Variants in KCNG2 observed in about 807,000 individuals in gnomAD.
The protein encoded by KCNG2 is potassium voltage-gated channel modifier subfamily G member 2.
KCNG2 carries 7 observed loss-of-function variants against 12.3 expected under a neutral mutation model. The observed-to-expected ratio is 0.57, with a 90% CI of 0.32 to 1.07. The LOEUF is 1.07. KCNG2 is among the 50% of genes least tolerant of loss of function. KCNG2 has a pLI of 0.04. For missense variants in KCNG2, 703 were observed against 726.0 expected, an observed-to-expected ratio of 0.97 and a Z score of 0.36; for synonymous variants, 414 against 351.4, an observed-to-expected ratio of 1.18 and a Z score of -1.99.
chr18:79,836,581 T>C (rs1978327014), intron 1 of KCNG2, among the ~76,000 whole-genome samples: 1 of 152,202 alleles, frequency 6.6e-6, no homozygotes, highest in Non-Finnish European at 1.5e-5. Context: ...CTGGGTAATT[T>C]ATGAAGAAAA....
intron 1 of KCNG2, among the ~76,000 whole-genome samples, chr18:79,854,977 G>A (rs565318824): frequency 2.9e-4 from 44 of 152,304 alleles, no homozygotes; most frequent in African/African-American, 1.1e-3. Flanking sequence ...TCTACCGACT[G>A]TACTTTTTCA....
At chr18:79,858,969 G>C (rs1979118646) in intron 2 of KCNG2, among the ~76,000 whole-genome samples, 1 of 152,126 alleles carries the variant, frequency 6.6e-6, no homozygotes, top group African/African-American at 2.4e-5. Flanking sequence ...CTGGATACTG[G>C]ACTCTTATCA....
chr18:79,867,401 C>T (rs1297966660), intron 3 of KCNG2, among the ~76,000 whole-genome samples: 1 of 147,000 alleles, frequency 6.8e-6, no homozygotes, highest in African/African-American at 2.5e-5. Context: ...AAGAAGTGAG[C>T]TCAGCATGTG....
chr18:79,847,285 G>T (rs1450062201), intron 1 of KCNG2, among the ~76,000 whole-genome samples: 3 of 152,168 alleles, frequency 2.0e-5, no homozygotes, highest in Non-Finnish European at 4.4e-5. Flanking sequence ...GTTTGGGGTC[G>T]GATAGCTTTG....
chr18:79,899,621 C>T lies in KCNG2; in HGVS notation c.1206C>T (p.Thr402=). 6.2e-7 allele frequency: 1 copy of T among 1,602,310 alleles called. No individual in the cohort carries two copies. The highest frequency in any genetic ancestry group is 8.5e-7 in the Non-Finnish European group (1 of 1,173,886). ...SGILLMAFPV[T]SIFHTFSRSY... ...TCCTGCTCATGGCCTTCCCGGTCAC[C>T]TCCATCTTCCACACCTTTTCGCGCT... The change falls in exon 4 of 4, where the codon ACC becomes ACT. Residue 402 remains threonine (T), a synonymous_variant. Transcript: ENST00000316249.
intron 2 of KCNG2, among the ~76,000 whole-genome samples, chr18:79,857,519 G>A (rs182398700): frequency 1.7e-3 from 252 of 151,202 alleles, no homozygotes; most frequent in African/African-American, 5.6e-3. Context: ...ACACGCTTGG[G>A]TCGAGTGGGC....
At chr18:79,872,105 A>G (rs1041273242) in intron 3 of KCNG2, among the ~76,000 whole-genome samples, 1 of 152,058 alleles carries the variant, frequency 6.6e-6, no homozygotes, top group Non-Finnish European at 1.5e-5. Context: ...TGCAAACGGC[A>G]GGGCCTGGAA....
At chr18:79,835,252 G>C (rs1978317577) in intron 1 of KCNG2, among the ~76,000 whole-genome samples, 1 of 152,208 alleles carries the variant, frequency 6.6e-6, no homozygotes, top group Non-Finnish European at 1.5e-5. Context: ...CATCTGAGAG[G>C]CTCAAAATGT....
intron 1 of KCNG2, among the ~76,000 whole-genome samples, chr18:79,798,219 G>T (rs1436280847): frequency 6.7e-6 from 1 of 149,680 alleles, no homozygotes; most frequent in Non-Finnish European, 1.5e-5. Flanking sequence ...GGCGGGGGCG[G>T]CTCGGGGCCG....
At chr18:79,864,869 G>A (rs1408301621) in intron 3 of KCNG2, among the ~76,000 whole-genome samples, 1 of 151,568 alleles carries the variant, frequency 6.6e-6, no homozygotes, top group East Asian at 1.9e-4. Context: ...TGAGGTTTGG[G>A]TGCTGAGGTC....
rs556167210 is a variant in KCNG2 at position 79,890,851 on chromosome 18, G to A, written c.625-8189G>A. ...CCTGTTACCTACTGTGACGGCGCAC[G>A]ATTATTCACAGTGCTGCTTTATCAC... On this transcript the variant is annotated intron_variant, in intron 3 of 3. Transcript: ENST00000316249. Among the ~76,000 whole-genome samples the A allele has an allele frequency of 9.8e-4, 150 of 152,310 alleles. No individual in the cohort carries two copies. The Middle Eastern group carries it at 0.014, about 14-fold the overall frequency.
chr18:79,845,158 G>T (rs1978580662), intron 1 of KCNG2, among the ~76,000 whole-genome samples: 1 of 152,198 alleles, frequency 6.6e-6, no homozygotes, highest in South Asian at 2.1e-4. Flanking sequence ...AATGGAAAAA[G>T]CCAATCCTAA....
intron 3 of KCNG2, among the ~76,000 whole-genome samples, chr18:79,872,563 G>A (rs1979891576): frequency 6.6e-6 from 1 of 152,130 alleles, no homozygotes. Flanking sequence ...GGGATTACAG[G>A]CGGAGGCACC....
chr18:79,887,152 G>A lies in KCNG2; in HGVS notation c.625-11888G>A, dbSNP rs111872884. ...TGCCTAGGGACACGGACAGGGACAC[G>A]GGGACAGAGGGACAAGGACACAGGG... On this transcript the variant is annotated intron_variant, in intron 3 of 3. Coordinates refer to ENST00000316249, the MANE Select transcript of KCNG2 (RefSeq NM_012283.2). 1.2e-4 allele frequency among the ~76,000 whole-genome samples: 18 copies of A among 150,350 alleles called. 2 individuals carry two copies. Among genetic ancestry groups the A allele is most frequent in the African/African-American group, 3.8e-4 (15 of 39,956 alleles).
intron 1 of KCNG2, among the ~76,000 whole-genome samples, chr18:79,826,456 C>T (rs1978286073): frequency 6.6e-6 from 1 of 151,286 alleles, no homozygotes; most frequent in Admixed American, 6.6e-5. Flanking sequence ...CGGCGCGTTA[C>T]GTCATTACGT....
intron 1 of KCNG2, among the ~76,000 whole-genome samples, chr18:79,813,932 G>T (rs1358474243): frequency 1.3e-5 from 2 of 152,196 alleles, no homozygotes; most frequent in Non-Finnish European, 2.9e-5. Flanking sequence ...TGTCCAGTTA[G>T]ACATGTACAA....
chr18:79,859,943 G>A (rs1164686549), intron 2 of KCNG2, among the ~76,000 whole-genome samples: 1 of 152,168 alleles, frequency 6.6e-6, no homozygotes, highest in Non-Finnish European at 1.5e-5. Context: ...ACCTGAGACT[G>A]GGTAATTTAT....
At chr18:79,875,872 A>C (rs1329190437) in intron 3 of KCNG2, 1 of 152,456 alleles carries the variant, frequency 6.6e-6, no homozygotes, top group African/African-American at 2.4e-5. Context: ...CCCGATCCCC[A>C]ATGCCCAGCG....
intron 3 of KCNG2, among the ~76,000 whole-genome samples, chr18:79,865,215 CTGTGCTGAGAGGTCTG>C (rs1456757284): frequency 3.4e-5 from 4 of 116,766 alleles, no homozygotes; most frequent in African/African-American, 1.4e-4. Flanking sequence ...GCTGAGAGGT[CTGTGCTGAGAGGTCTG>C]TGTGCTGAGA....
Sources: gnomAD v4.1 joint callset for allele counts (sites outside exome capture counted in the v4.1 genomes callset) on GRCh38, gnomAD v4.1.1 for gene constraint, MANE v1.5 for transcripts, NCBI Gene and HGNC (gene_info 2026-07-23, HGNC 2026-07-21) for gene names.